ZFHX3: variants seen among roughly 807,000 people sequenced by gnomAD.
ZFHX3 encodes zinc finger homeobox 3, also known as zinc finger homeobox protein 3.
Under a neutral mutation model 279.1 loss-of-function variants are expected in ZFHX3, and 42 were observed. That is an observed-to-expected ratio of 0.15 (90% confidence interval 0.12 to 0.19). The LOEUF is 0.19. Among genes scored for constraint, ZFHX3 ranks in the 10% least tolerant of loss-of-function variants. The probability of loss-of-function intolerance (pLI) is 1.00; values close to 1 mark genes in which losing one functional copy is unlikely to be tolerated. For synonymous variants in ZFHX3, 2,293 were observed against 1,957.8 expected, an observed-to-expected ratio of 1.17 and a Z score of -4.52; for missense variants, 4,981 against 4,754.0, an observed-to-expected ratio of 1.05 and a Z score of -1.40.
intron 2 of ZFHX3, among the ~76,000 whole-genome samples, chr16:73,483,937 T>A (rs1008103041): frequency 6.6e-6 from 1 of 151,262 alleles, no homozygotes; most frequent in African/African-American, 2.4e-5. Context: ...TTTGTTTTTT[T>A]TTTTTTTTTT....
chr16:73,492,391 C>T (rs915912995), intron 2 of ZFHX3, among the ~76,000 whole-genome samples: 7 of 152,160 alleles, frequency 4.6e-5, no homozygotes, highest in South Asian at 4.1e-4. Context: ...CTGGAATCCA[C>T]GTAAAATAAT....
At chr16:73,865,036 C>G (rs1177252780) in intron 1 of ZFHX3, among the ~76,000 whole-genome samples, 2 of 152,236 alleles carry the variant, frequency 1.3e-5, no homozygotes, top group Non-Finnish European at 2.9e-5. Context: ...TCTCTGACAT[C>G]ATGTCAACAA....
chr16:73,817,649 C>A (rs904735695), intron 1 of ZFHX3, among the ~76,000 whole-genome samples: 4 of 152,180 alleles, frequency 2.6e-5, no homozygotes, highest in Non-Finnish European at 5.9e-5. Context: ...AGGCCTGGTG[C>A]CCATGACTCC....
intron 3 of ZFHX3, among the ~76,000 whole-genome samples, chr16:73,444,578 T>C (rs1381659174): frequency 6.6e-6 from 1 of 152,222 alleles, no homozygotes; most frequent in African/African-American, 2.4e-5. Flanking sequence ...ATGCTCCTTC[T>C]AATGTTAAAA....
At chr16:73,412,130 A>G (rs555220041) in intron 3 of ZFHX3, among the ~76,000 whole-genome samples, 1 of 152,152 alleles carries the variant, frequency 6.6e-6, no homozygotes, top group East Asian at 1.9e-4. Flanking sequence ...GTTTGAGACC[A>G]GCCTGGGTAA....
chr16:73,251,809 C>A (rs1385402686), intron 5 of ZFHX3, among the ~76,000 whole-genome samples: 1 of 131,330 alleles, frequency 7.6e-6, no homozygotes, highest in Non-Finnish European at 1.6e-5. Flanking sequence ...CACGCACACA[C>A]CATGCACACA....
chr16:73,885,412 C>T (rs898128614), intron 1 of ZFHX3, among the ~76,000 whole-genome samples: 4 of 152,142 alleles, frequency 2.6e-5, no homozygotes, highest in Non-Finnish European at 5.9e-5. Context: ...CTGTGGATGG[C>T]TGAGCTTATC....
At chr16:73,841,780 C>G (rs1054977498) in intron 1 of ZFHX3, among the ~76,000 whole-genome samples, 7 of 152,164 alleles carry the variant, frequency 4.6e-5, no homozygotes, top group Non-Finnish European at 1.0e-4. Context: ...TTTCATTTTT[C>G]CATGATACTC....
chr16:73,141,910 T>G (rs539982361), intron 6 of ZFHX3, among the ~76,000 whole-genome samples: 1 of 152,086 alleles, frequency 6.6e-6, no homozygotes, highest in Non-Finnish European at 1.5e-5. Flanking sequence ...AGCAGGGTGG[T>G]TTAGGACCTG....
chr16:73,613,006 G>GA (rs1181377278), intron 2 of ZFHX3, among the ~76,000 whole-genome samples: 1 of 152,074 alleles, frequency 6.6e-6, no homozygotes, highest in Admixed American at 6.5e-5. Flanking sequence ...AATTAGAGGA[G>GA]AAAATTCTCT....
At chr16:73,027,042 A>G (rs560063271) in intron 1 of ZFHX3, among the ~76,000 whole-genome samples, 1 of 152,348 alleles carries the variant, frequency 6.6e-6, no homozygotes, top group African/African-American at 2.4e-5. Context: ...TCACAGACAA[A>G]ACACAAACAA....
chr16:73,679,118 A>G (rs1217838751), intron 2 of ZFHX3, among the ~76,000 whole-genome samples: 1 of 125,126 alleles, frequency 8.0e-6, no homozygotes. Flanking sequence ...CAATCCCTCC[A>G]GAGGGGCTTA....
intron 3 of ZFHX3, among the ~76,000 whole-genome samples, chr16:73,412,349 A>T (rs1304605352): frequency 1.4e-5 from 2 of 143,794 alleles, no homozygotes; most frequent in Admixed American, 6.9e-5. Context: ...AAAAAAAAAA[A>T]GTAAATGTCA....
intron 5 of ZFHX3, among the ~76,000 whole-genome samples, chr16:72,817,884 A>T (rs915240580): frequency 6.6e-6 from 1 of 152,152 alleles, no homozygotes; most frequent in African/African-American, 2.4e-5. Flanking sequence ...TCTTAGCTAA[A>T]AAGTACCACT....
At chr16:73,785,078 T>A (rs1437390400) in intron 1 of ZFHX3, among the ~76,000 whole-genome samples, 1 of 152,186 alleles carries the variant, frequency 6.6e-6, no homozygotes, top group Non-Finnish European at 1.5e-5. Context: ...TTCAAATCTC[T>A]TACAATTTGT....
chr16:73,527,348 T>C (rs1358605483), intron 2 of ZFHX3, among the ~76,000 whole-genome samples: 3 of 152,158 alleles, frequency 2.0e-5, no homozygotes, highest in African/African-American at 7.2e-5. Flanking sequence ...GTTGTACTTT[T>C]GAGACAGGTT....
At chr16:73,626,551 A>G (rs2052418492) in intron 2 of ZFHX3, among the ~76,000 whole-genome samples, 1 of 152,224 alleles carries the variant, frequency 6.6e-6, no homozygotes, top group Non-Finnish European at 1.5e-5. Context: ...CCTCCAGTAA[A>G]AAGAACTCAG....
intron 2 of ZFHX3, among the ~76,000 whole-genome samples, chr16:73,538,938 C>T (rs570718084): frequency 6.6e-6 from 1 of 152,244 alleles, no homozygotes; most frequent in African/African-American, 2.4e-5. Flanking sequence ...AATCCAAAGT[C>T]TCTGAGATAC....
chr16:73,158,982 G>A (rs574996010), intron 5 of ZFHX3, among the ~76,000 whole-genome samples: 1 of 152,190 alleles, frequency 6.6e-6, no homozygotes, highest in African/African-American at 2.4e-5. Context: ...AACCCTGGAA[G>A]ACAACCTAGG....
Sources: allele counts gnomAD v4.1 joint callset (sites outside exome capture counted in the v4.1 genomes callset), GRCh38; gene constraint gnomAD v4.1.1; transcripts MANE v1.5; gene names NCBI Gene and HGNC (gene_info 2026-07-23, HGNC 2026-07-21).